The following IL1RAPL1 variants were observed in gnomAD, a reference collection of about 807,000 sequenced individuals.
The protein encoded by IL1RAPL1 is interleukin 1 receptor accessory protein like 1, also known as interleukin-1 receptor accessory protein-like 1.
Under a neutral mutation model 48.4 loss-of-function variants are expected in IL1RAPL1, and 3 were observed. That is an observed-to-expected ratio of 0.06 (90% confidence interval 0.03 to 0.16). The LOEUF (loss-of-function observed/expected upper bound fraction) is 0.16. Ranked by LOEUF, IL1RAPL1 falls within the 10% of genes least tolerant of loss-of-function variation. IL1RAPL1 has a pLI of 1.00. For synonymous variants in IL1RAPL1, 185 were observed against 187.7 expected (o/e 0.99, Z 0.12); for missense variants, 349 against 530.6 (o/e 0.66, Z 3.36).
At chrX:29,135,131 G>A (rs772202115) in intron 2 of IL1RAPL1, among the ~76,000 whole-genome samples, 1 of 111,558 alleles carries the variant, frequency 9.0e-6, no homozygotes, top group East Asian at 2.8e-4. Context: ...TAATGTCCAT[G>A]TGCTTTGACT....
At chrX:29,951,316 A>G (rs1190438599) in intron 9 of IL1RAPL1, among the ~76,000 whole-genome samples, 2 of 112,391 alleles carry the variant, frequency 1.8e-5, no homozygotes, top group Non-Finnish European at 3.8e-5. Context: ...GCAAAATCAT[A>G]TAATACATGG....
chrX:28,612,416 G>A (rs1054400463), intron 1 of IL1RAPL1, among the ~76,000 whole-genome samples: 1 of 111,733 alleles, frequency 8.9e-6, no homozygotes, highest in African/African-American at 3.3e-5. Flanking sequence ...TTTAAATTTT[G>A]GGGTGGCAGA....
At chrX:29,821,032 A>T (rs1278233616) in intron 6 of IL1RAPL1, among the ~76,000 whole-genome samples, 1 of 112,109 alleles carries the variant, frequency 8.9e-6, no homozygotes, top group Non-Finnish European at 1.9e-5. Context: ...GGTGGAGATT[A>T]TATGACATAT....
At chrX:29,297,346 C>T (rs1304334153) in intron 3 of IL1RAPL1, among the ~76,000 whole-genome samples, 1 of 112,542 alleles carries the variant, frequency 8.9e-6, no homozygotes, top group African/African-American at 3.2e-5. Flanking sequence ...CAACGTTTTG[C>T]ATGACTTAGG....
At chrX:28,664,806 G>T (rs1934858133) in intron 1 of IL1RAPL1, among the ~76,000 whole-genome samples, 1 of 111,561 alleles carries the variant, frequency 9.0e-6, no homozygotes, top group Non-Finnish European at 1.9e-5. Context: ...CACTTGTCAG[G>T]CTTGTTGCCA....
intron 5 of IL1RAPL1, among the ~76,000 whole-genome samples, chrX:29,581,671 G>A (rs1787561344): frequency 9.0e-6 from 1 of 110,584 alleles, no homozygotes; most frequent in Non-Finnish European, 1.9e-5. Context: ...TTAAATCTTC[G>A]AATTCTTGTA....
At chrX:29,740,800 T>C (rs1040442048) in intron 6 of IL1RAPL1, among the ~76,000 whole-genome samples, 3 of 112,194 alleles carry the variant, frequency 2.7e-5, no homozygotes, top group African/African-American at 9.7e-5. Context: ...ATAACACCAT[T>C]CAAAAGTTAT....
At chrX:29,377,400 A>G (rs28845293) in intron 3 of IL1RAPL1, among the ~76,000 whole-genome samples, 1 of 110,703 alleles carries the variant, frequency 9.0e-6, no homozygotes, top group East Asian at 2.8e-4. Flanking sequence ...TCCTTTCATC[A>G]TGTAGTTAGC....
At chrX:28,961,009 C>CAAAAAAAA (rs397947609) in intron 2 of IL1RAPL1, among the ~76,000 whole-genome samples, 2 of 17,488 alleles carry the variant, frequency 1.1e-4, no homozygotes, top group Non-Finnish European at 9.9e-5. Context: ...GACTCCGTCT[C>CAAAAAAAA]AAAAAAAAAA....
intron 2 of IL1RAPL1, among the ~76,000 whole-genome samples, chrX:28,793,860 G>A: frequency 9.0e-6 from 1 of 111,101 alleles, no homozygotes; most frequent in East Asian, 2.9e-4. Flanking sequence ...CAGAATATAA[G>A]ATGGTGAGTG....
intron 2 of IL1RAPL1, among the ~76,000 whole-genome samples, chrX:29,083,596 C>A (rs1452806422): frequency 9.0e-6 from 1 of 111,420 alleles, no homozygotes; most frequent in African/African-American, 3.3e-5. Context: ...TGAGGACTTG[C>A]CTTACCACCA....
intron 3 of IL1RAPL1, among the ~76,000 whole-genome samples, chrX:29,356,829 T>C (rs1024443655): frequency 1.8e-5 from 2 of 111,728 alleles, no homozygotes; most frequent in Admixed American, 1.9e-4. Context: ...TTCTGTGCTT[T>C]CCAGAATTTT....
At chrX:28,718,965 A>G (rs1022982982) in intron 1 of IL1RAPL1, among the ~76,000 whole-genome samples, 1 of 111,696 alleles carries the variant, frequency 9.0e-6, no homozygotes, top group African/African-American at 3.2e-5. Context: ...ATTTGTTGTT[A>G]TGTTTGTCTG....
rs61703733 is a variant in IL1RAPL1 at position 29,480,291 on chromosome X, C to CATATATATATATATATAT, written c.703+80992_703+81009dup. Among the ~76,000 whole-genome samples, 296 of 76,495 alleles carry CATATATATATATATATAT rather than the reference C, an allele frequency of 3.9e-3. 4 individuals carry two copies. The highest frequency in any genetic ancestry group is 0.015 in the African/African-American group (249 of 16,391). The allele number at this position is 76,495 out of a possible 115,157, so 66.4% of individuals were successfully genotyped here. On this transcript the variant is annotated intron_variant, in intron 5 of 10. Coordinates refer to ENST00000378993, the MANE Select transcript of IL1RAPL1 (RefSeq NM_014271.4). Reference sequence around the variant, plus strand: ...TGATATATGTATACACACACATATACATATATATATATATATATATATATA... The same window carrying CATATATATATATATATAT: ...TGATATATGTATACACACACATATACATATATATATATATATATATATATATATATATATATATATATA...
chrX:29,713,867 A>C (rs764868152), intron 6 of IL1RAPL1, among the ~76,000 whole-genome samples: 1 of 112,228 alleles, frequency 8.9e-6, no homozygotes, highest in East Asian at 2.8e-4. Context: ...ATTTGAAACA[A>C]ATTTATTGAT....
chrX:28,834,452 A>T, intron 2 of IL1RAPL1, among the ~76,000 whole-genome samples: 1 of 111,059 alleles, frequency 9.0e-6, no homozygotes, highest in Middle Eastern at 4.7e-3. Flanking sequence ...TATGAAGAAC[A>T]TTCAGGCTAT....
chrX:29,834,572 C>T (rs1373676628), intron 6 of IL1RAPL1, among the ~76,000 whole-genome samples: 2 of 103,783 alleles, frequency 1.9e-5, no homozygotes, highest in Non-Finnish European at 3.9e-5. Context: ...TATGTTACCA[C>T]TTTTGGTTCT....
chrX:28,625,581 G>T (rs377590890), intron 1 of IL1RAPL1, among the ~76,000 whole-genome samples: 7 of 111,965 alleles, frequency 6.3e-5, no homozygotes, highest in African/African-American at 2.3e-4. Context: ...AGTGGGCAGA[G>T]AGCCAGGTGT....
At chrX:29,764,583 A>G (rs1928833915) in intron 6 of IL1RAPL1, among the ~76,000 whole-genome samples, 2 of 112,189 alleles carry the variant, frequency 1.8e-5, no homozygotes, top group Non-Finnish European at 3.8e-5. Context: ...AATCTTCAGC[A>G]TGGGTTACAG....
Sources: allele counts gnomAD v4.1 joint callset (sites outside exome capture counted in the v4.1 genomes callset), GRCh38; gene constraint gnomAD v4.1.1; transcripts MANE v1.5; gene names NCBI Gene and HGNC (gene_info 2026-07-23, HGNC 2026-07-21).